ROS1: variants seen among roughly 807,000 people sequenced by gnomAD.
ROS1 encodes ROS proto-oncogene 1, receptor tyrosine kinase.
A neutral mutation model predicts 273.5 loss-of-function variants in ROS1; 263 were observed. That is an observed-to-expected ratio of 0.96 (90% confidence interval 0.87 to 1.06). The LOEUF is 1.06. Among genes scored for constraint, ROS1 ranks in the 50% least tolerant of loss-of-function variants. The probability of loss-of-function intolerance (pLI) is 0.00; values close to 1 mark genes in which losing one functional copy is unlikely to be tolerated. For synonymous variants in ROS1, 1,008 were observed against 954.1 expected (o/e 1.06, Z -1.04); for missense variants, 2,833 against 2,751.1 (o/e 1.03, Z -0.67).
intron 1 of ROS1, among the ~76,000 whole-genome samples, 191 bp downstream of exon 1, chr6:117,425,342 AT>A (rs770573588): frequency 2.0e-5 from 3 of 152,202 alleles, no homozygotes; most frequent in African/African-American, 2.4e-5. Context: ...AAGAAATAAA[AT>A]AGCCTGCTTT....
At chr6:117,356,967 C>T in intron 25 of ROS1, 52 bp from the exon 26 acceptor site, 1 of 1,448,190 alleles carries the variant, frequency 6.9e-7, no homozygotes, top group African/African-American at 1.4e-5. Context: ...TACATCATTT[C>T]AAATATTGGT....
intron 5 of ROS1, among the ~76,000 whole-genome samples, chr6:117,404,786 C>T (rs1404385978): frequency 1.3e-5 from 2 of 152,206 alleles, no homozygotes; most frequent in Non-Finnish European, 2.9e-5. Flanking sequence ...TGTGGCACAA[C>T]AGAACCATCC....
chr6:117,325,391 A>G (rs1280500018), intron 34 of ROS1, among the ~76,000 whole-genome samples: 1 of 152,172 alleles, frequency 6.6e-6, no homozygotes. Flanking sequence ...TGACATAAAA[A>G]CTTTTTACTG....
At chr6:117,354,089 G>A (rs1307233751) in intron 26 of ROS1, among the ~76,000 whole-genome samples, 2 of 152,084 alleles carry the variant, frequency 1.3e-5, no homozygotes, top group Admixed American at 6.5e-5. Flanking sequence ...GGTGGCTCAC[G>A]CCTGTAATCC....
In ROS1 at chr6:117,329,325, A is replaced by C. The variant is rs374680663; in HGVS notation, c.5348+4T>G. On this transcript the variant is annotated splice_donor_region_variant and intron_variant, in intron 33 of 43. Transcript: ENST00000368507. The stretch of plus-strand genomic sequence containing the variant: ...ATTTACAAGTACTTTGCAAACACAC[A>C]TACCTTATCTCAAGGATATAGTATG... 2 of 1,331,976 alleles carry C rather than the reference A, an allele frequency of 1.5e-6. No homozygotes were observed. Among genetic ancestry groups the C allele is most frequent in the South Asian group, 1.2e-5 (1 of 81,342 alleles). The allele number at this position is 1,331,976 out of a possible 1,614,324, so 82.5% of individuals were successfully genotyped here. A position where few individuals can be genotyped will look rare whatever the true frequency, so the allele number is the denominator to read the frequency against.
At chr6:117,330,552 T>C (rs1777004530) in intron 32 of ROS1, among the ~76,000 whole-genome samples, 1 of 152,168 alleles carries the variant, frequency 6.6e-6, no homozygotes, top group Non-Finnish European at 1.5e-5. Context: ...GGACACCCTA[T>C]ACAGGAGCGA....
chr6:117,298,095 C>T (rs1461660494), intron 43 of ROS1, among the ~76,000 whole-genome samples: 1 of 152,074 alleles, frequency 6.6e-6, no homozygotes, highest in Non-Finnish European at 1.5e-5. Context: ...AGGCAATTAT[C>T]TTAAATGAAA....
At chr6:117,321,950 C>T (rs1389083795) in intron 35 of ROS1, among the ~76,000 whole-genome samples, 1 of 150,260 alleles carries the variant, frequency 6.7e-6, no homozygotes, top group African/African-American at 2.5e-5. Context: ...CAGTGGTCTG[C>T]CCTAGTTGTA....
In ROS1 at chr6:117,300,701, T is replaced by C. The variant is rs1253125347; in HGVS notation, c.6715+273A>G. Among the ~76,000 whole-genome samples the C allele has an allele frequency of 5.9e-5, 9 of 152,276 alleles. No individual in the cohort carries two copies. The South Asian group carries it at 1.7e-3, about 28-fold the overall frequency. On this transcript the variant is annotated intron_variant, in intron 43 of 43. Coordinates refer to ENST00000368507, the MANE Select transcript of ROS1 (RefSeq NM_001378902.1). Reference sequence around the variant, plus strand: ...GGGGAGAAGAGAAGGAGAACAGACCTTATGAAAATGTAGTCTAACATGTTA... The same window carrying C: ...GGGGAGAAGAGAAGGAGAACAGACCCTATGAAAATGTAGTCTAACATGTTA...
intron 2 of ROS1, 117 bp from the exon 3 acceptor site, chr6:117,416,434 C>T (rs1284218502): frequency 1.5e-5 from 11 of 713,356 alleles, no homozygotes; most frequent in Non-Finnish European, 2.7e-5. Context: ...AAATAGAAAC[C>T]TACCAAGAAA....
At chr6:117,318,736 T>C (rs1377387378) in intron 37 of ROS1, among the ~76,000 whole-genome samples, 1 of 152,132 alleles carries the variant, frequency 6.6e-6, no homozygotes. Flanking sequence ...GAAAAACTGC[T>C]GAGGCGGGAA....
chr6:117,403,744 A>T lies in ROS1; in HGVS notation c.466-467T>A, dbSNP rs75625946. Among the ~76,000 whole-genome samples the T allele has an allele frequency of 2.0e-4, 30 of 152,264 alleles. No individual in the cohort carries two copies. In the East Asian group the frequency reaches 5.4e-3, roughly 28 times the overall value. On this transcript the variant is annotated intron_variant, in intron 6 of 43. Transcript: ENST00000368507. Reference sequence around the variant, plus strand: ...GAATGGTTACGTGATGCTGTACTGAAGGAATAGTATATATGTCCAACATTA... The same window carrying T: ...GAATGGTTACGTGATGCTGTACTGATGGAATAGTATATATGTCCAACATTA...
intron 15 of ROS1, among the ~76,000 whole-genome samples, chr6:117,386,247 A>G (rs553481392): frequency 2.0e-5 from 3 of 152,370 alleles, no homozygotes; most frequent in South Asian, 2.1e-4. Flanking sequence ...GACTCAGCCA[A>G]TGCCAAAGTG....
At chr6:117,333,638 C>T (rs572746218) in intron 32 of ROS1, among the ~76,000 whole-genome samples, 1 of 152,302 alleles carries the variant, frequency 6.6e-6, no homozygotes, top group African/African-American at 2.4e-5. Context: ...AACATATCCA[C>T]CACGAACAAG....
intron 4 of ROS1, among the ~76,000 whole-genome samples, chr6:117,413,012 C>T (rs1775049112): frequency 6.6e-6 from 1 of 151,984 alleles, no homozygotes; most frequent in Non-Finnish European, 1.5e-5. Context: ...TGACTTTTCT[C>T]CTCTGTTTTC....
At chr6:117,350,815 G>C (rs1355288345) in intron 27 of ROS1, among the ~76,000 whole-genome samples, 1 of 150,808 alleles carries the variant, frequency 6.6e-6, no homozygotes, top group Non-Finnish European at 1.5e-5. Context: ...ACATGTTACA[G>C]TGTTTTTATC....
At chr6:117,384,701 C>T (rs1016929408) in intron 16 of ROS1, among the ~76,000 whole-genome samples, 2 of 152,126 alleles carry the variant, frequency 1.3e-5, no homozygotes, top group Non-Finnish European at 2.9e-5. Context: ...GGTCTAATTC[C>T]CACCCTTCTC....
rs1777542442 is a variant in ROS1 at position 117,337,191 on chromosome 6, T to C, written c.5211A>G (p.Pro1737=). The C allele has an allele frequency of 6.2e-7, 1 of 1,612,186 alleles. No homozygotes were observed. Residue 1737 remains proline, a synonymous_variant, in exon 32 of 44, where the codon CCA becomes CCG. Transcript: ENST00000368507. ...YKTGENSTSL[P]ESFKTKAGVP... ...ACTCACCTTTTGTCTTAAAGCTTTC[T>C]GGAAGTGAGGTGCTATTTTCTCCCG...
chr6:117,383,492 A>C lies in ROS1; in HGVS notation c.2306T>G (p.Val769Gly). 6.2e-7 allele frequency: 1 copy of C among 1,613,984 alleles called. No individual in the cohort carries two copies. Among genetic ancestry groups the C allele is most frequent in the East Asian group, 2.2e-5 (1 of 44,880 alleles). ...AACAATGTCTGTGTGTCCCGTCAAC[A>C]CAGACTGCCTTTGTATCTAAAAAAC... ...GKTYVIQRQSVLTGHTDIVTH... is the reference protein window; with the variant it reads ...GKTYVIQRQSGLTGHTDIVTH... Residue 769 changes from valine (V) to glycine (G), a missense_variant, in exon 17 of 44, where the codon GTG becomes GGG. Val to Gly is a moderately radical substitution (Grantham distance 109). Transcript: ENST00000368507.
Sources: gnomAD v4.1 joint callset for allele counts (sites outside exome capture counted in the v4.1 genomes callset) on GRCh38, gnomAD v4.1.1 for gene constraint, MANE v1.5 for transcripts, NCBI Gene and HGNC (gene_info 2026-07-23, HGNC 2026-07-21) for gene names.